PCDHA3: variants seen among roughly 807,000 people sequenced by gnomAD.
PCDHA3 encodes the protein protocadherin alpha-3.
PCDHA3 carries 41 observed loss-of-function variants against 62.2 expected under a neutral mutation model. The observed-to-expected ratio is 0.66, with a 90% CI of 0.51 to 0.86. The LOEUF is 0.86. Ranked by LOEUF, PCDHA3 falls within the 40% of genes least tolerant of loss-of-function variation. The pLI is 0.00. For synonymous variants in PCDHA3, 640 were observed against 555.4 expected, an observed-to-expected ratio of 1.15 and a Z score of -2.14; for missense variants, 1,304 against 1,241.2, an observed-to-expected ratio of 1.05 and a Z score of -0.76.
chr5:140,987,892 A>C (rs1383983251), intron 3 of PCDHA3, among the ~76,000 whole-genome samples: 1 of 152,094 alleles, frequency 6.6e-6, no homozygotes, highest in Non-Finnish European at 1.5e-5. Flanking sequence ...TATGTGCCCT[A>C]GTTTTATATG....
intron 1 of PCDHA3, chr5:140,967,982 G>T (rs1563372383): frequency 1.9e-6 from 3 of 1,614,224 alleles, no homozygotes; most frequent in Non-Finnish European, 2.5e-6. Context: ...GGGTCTGGAG[G>T]CCACACTGCC....
chr5:140,924,830 G>A (rs1240824600), intron 1 of PCDHA3, among the ~76,000 whole-genome samples: 1 of 151,612 alleles, frequency 6.6e-6, no homozygotes, highest in African/African-American at 2.4e-5. Flanking sequence ...GGGAGGGGGA[G>A]GTTGCAGGGA....
At chr5:140,877,947 G>A (rs1266600808) in intron 1 of PCDHA3, 2 of 1,351,230 alleles carry the variant, frequency 1.5e-6, no homozygotes, top group African/African-American at 1.5e-5. Context: ...TTAAACTATC[G>A]AATGTCTCAT....
At chr5:140,878,028 G>A in intron 1 of PCDHA3, 1 of 666,892 alleles carries the variant, frequency 1.5e-6, no homozygotes, top group Non-Finnish European at 2.2e-6. Context: ...AAATATGTAG[G>A]TACAATGGAG....
At chr5:140,896,555 T>C (rs2065621728) in intron 1 of PCDHA3, among the ~76,000 whole-genome samples, 1 of 151,910 alleles carries the variant, frequency 6.6e-6, no homozygotes, top group African/African-American at 2.4e-5. Context: ...TTTTGTATTT[T>C]AAGTAGAGAT....
chr5:140,982,154 G>A (rs1304368371), intron 2 of PCDHA3, among the ~76,000 whole-genome samples: 3 of 152,210 alleles, frequency 2.0e-5, no homozygotes, highest in East Asian at 1.9e-4. Flanking sequence ...CTTCAGTATC[G>A]AGATGTTAAA....
At chr5:140,858,143 A>G in intron 1 of PCDHA3, 2 of 1,597,218 alleles carry the variant, frequency 1.3e-6, no homozygotes, top group Non-Finnish European at 1.7e-6. Flanking sequence ...CGTGTACCTG[A>G]TCATCGCCAT....
At chr5:140,870,794 T>C in intron 1 of PCDHA3, 2 of 1,613,684 alleles carry the variant, frequency 1.2e-6, no homozygotes, top group South Asian at 2.2e-5. Context: ...GCGCCGGCAC[T>C]GCTGGCGACT....
intron 1 of PCDHA3, among the ~76,000 whole-genome samples, chr5:140,890,240 A>C (rs1554184230): frequency 6.6e-6 from 1 of 152,138 alleles, no homozygotes; most frequent in African/African-American, 2.4e-5. Flanking sequence ...AGCATTTACC[A>C]GTACACTACT....
At chr5:140,944,823 C>T (rs1246814273) in intron 1 of PCDHA3, among the ~76,000 whole-genome samples, 1 of 152,148 alleles carries the variant, frequency 6.6e-6, no homozygotes, top group Non-Finnish European at 1.5e-5. Context: ...ATCTTTGCCC[C>T]ATAATTGTAA....
chr5:140,938,295 A>G (rs1458865676), intron 1 of PCDHA3, among the ~76,000 whole-genome samples: 1 of 152,190 alleles, frequency 6.6e-6, no homozygotes, highest in Non-Finnish European at 1.5e-5. Context: ...GTCATTGCCT[A>G]TGAAATTCAG....
rs1307872758 is a variant in PCDHA3, at chr5:140,858,559, T to A, written c.2394+54968T>A. The A allele has an allele frequency of 2.2e-6, 3 of 1,382,404 alleles. No homozygotes were observed. The African/African-American group carries it at 4.3e-5, about 20-fold the overall frequency. The allele number at this position is 1,382,404 out of a possible 1,614,324, so 85.6% of individuals were successfully genotyped here. On this transcript the variant is annotated intron_variant, in intron 1 of 3. Coordinates refer to ENST00000522353, the MANE Select transcript of PCDHA3 (RefSeq NM_018906.3). The stretch of plus-strand genomic sequence containing the variant: ...CTACATTCCATTTATGCTTGAATAT[T>A]TCTAGTGATACCTTTGTAATATAAT...
At chr5:140,819,388 T>C (rs1251672675) in intron 1 of PCDHA3, among the ~76,000 whole-genome samples, 1 of 152,134 alleles carries the variant, frequency 6.6e-6, no homozygotes, top group Non-Finnish European at 1.5e-5. Context: ...TCTAAAGGCT[T>C]TTAGTGAATT....
intron 1 of PCDHA3, chr5:140,927,441 G>A: frequency 5.0e-6 from 8 of 1,614,130 alleles, no homozygotes; most frequent in Non-Finnish European, 4.2e-6. Context: ...GCGAATACCC[G>A]GAGTTGGTGT....
chr5:140,845,497 T>C (rs1779898146), intron 1 of PCDHA3, among the ~76,000 whole-genome samples: 1 of 149,728 alleles, frequency 6.7e-6, no homozygotes, highest in African/African-American at 2.4e-5. Context: ...AGTGAGAAAG[T>C]CTAAACCTAT....
At chr5:140,941,215 C>CTTTCTTTCTTTCTT (rs2092887387) in intron 1 of PCDHA3, among the ~76,000 whole-genome samples, 1 of 104,510 alleles carries the variant, frequency 9.6e-6, no homozygotes, top group African/African-American at 3.7e-5. Context: ...TTCTTTCTTC[C>CTTTCTTTCTTTCTT]TTTCTTTCTT....
intron 3 of PCDHA3, 32 bp from the exon 4 acceptor site, chr5:141,009,595 C>A (rs781807814): frequency 6.2e-7 from 1 of 1,604,124 alleles, no homozygotes; most frequent in African/African-American, 1.3e-5. Context: ...TGTGTTGACC[C>A]TGTTAATGAT....
chr5:140,808,288 A>G, intron 1 of PCDHA3: 7 of 1,614,274 alleles, frequency 4.3e-6, no homozygotes, highest in Non-Finnish European at 5.9e-6. Context: ...CACTGGGTAC[A>G]GTCATCGCCC....
chr5:140,907,582 G>A (rs978225789), intron 1 of PCDHA3, among the ~76,000 whole-genome samples: 1 of 152,190 alleles, frequency 6.6e-6, no homozygotes, highest in Admixed American at 6.5e-5. Flanking sequence ...CAGGTAGCTG[G>A]CTGATCACCC....
Sources: gnomAD v4.1 joint callset for allele counts (sites outside exome capture counted in the v4.1 genomes callset) on GRCh38, gnomAD v4.1.1 for gene constraint, MANE v1.5 for transcripts, NCBI Gene and HGNC (gene_info 2026-07-23, HGNC 2026-07-21) for gene names.